The following BLMH variants were observed in gnomAD, a reference collection of about 807,000 sequenced individuals.
The protein encoded by BLMH is bleomycin hydrolase, also known as BLM hydrolase.
A neutral mutation model predicts 61.6 loss-of-function variants in BLMH; 32 were observed. That is an observed-to-expected ratio of 0.52 (90% CI 0.39 to 0.70). The LOEUF (loss-of-function observed/expected upper bound fraction) is 0.70. BLMH is among the 30% of genes least tolerant of loss of function. The probability of loss-of-function intolerance (pLI) is 0.00; values close to 1 mark genes in which losing one functional copy is unlikely to be tolerated. For missense variants in BLMH, 460 were observed against 555.5 expected, an observed-to-expected ratio of 0.83 and a Z score of 1.73; for synonymous variants, 183 against 193.8, an observed-to-expected ratio of 0.94 and a Z score of 0.46.
At chr17:30,288,057 G>A in intron 3 of BLMH, 110 bp from the exon 4 acceptor site, 1 of 1,139,812 alleles carries the variant, frequency 8.8e-7, no homozygotes, top group Non-Finnish European at 1.2e-6. Context: ...CAACATAATA[G>A]TTTTTTTTCT....
intron 11 of BLMH, among the ~76,000 whole-genome samples, chr17:30,255,493 A>G (rs1368923985): frequency 3.3e-5 from 5 of 152,216 alleles, no homozygotes; most frequent in African/African-American, 1.2e-4. Flanking sequence ...ATACATAATT[A>G]CTAACTTTCT....
At chr17:30,254,250 A>G (rs1907753642) in intron 11 of BLMH, among the ~76,000 whole-genome samples, 1 of 152,238 alleles carries the variant, frequency 6.6e-6, no homozygotes, top group African/African-American at 2.4e-5. Flanking sequence ...AAGTTATGAC[A>G]AAATGAAGGT....
At chr17:30,279,238 C>T (rs939793444) in intron 6 of BLMH, among the ~76,000 whole-genome samples, 1 of 152,222 alleles carries the variant, frequency 6.6e-6, no homozygotes, top group Admixed American at 6.5e-5. Context: ...TGAGAAAGGT[C>T]CCCTAAAATT....
intron 7 of BLMH, 177 bp downstream of exon 7, chr17:30,273,865 T>C (rs1419546988): frequency 2.7e-6 from 2 of 734,866 alleles, no homozygotes; most frequent in Non-Finnish European, 4.4e-6. Flanking sequence ...AGCTGATAAA[T>C]CCTGGCACCA....
chr17:30,276,334 T>C (rs1167550140), intron 6 of BLMH, among the ~76,000 whole-genome samples: 5 of 152,236 alleles, frequency 3.3e-5, no homozygotes, highest in Non-Finnish European at 2.9e-5. Context: ...CCTGAAGTCA[T>C]AGAGCCAGTA....
intron 3 of BLMH, chr17:30,288,161 G>A (rs1235041588): frequency 1.3e-5 from 6 of 451,154 alleles, no homozygotes; most frequent in Admixed American, 3.9e-5. Flanking sequence ...GGGGACTTAC[G>A]ATGCTGAAAC....
At chr17:30,266,228 T>G (rs922794042) in intron 11 of BLMH, among the ~76,000 whole-genome samples, 1 of 152,124 alleles carries the variant, frequency 6.6e-6, no homozygotes, top group Admixed American at 6.5e-5. Context: ...ACTGATGTAG[T>G]AGATGAAAAT....
intron 11 of BLMH, among the ~76,000 whole-genome samples, chr17:30,266,502 G>T (rs1260011083): frequency 6.9e-6 from 1 of 144,762 alleles, no homozygotes; most frequent in Non-Finnish European, 1.5e-5. Context: ...TCCAGCCTGG[G>T]CGACAGAGCA....
intron 1 of BLMH, 125 bp from the exon 2 acceptor site, chr17:30,291,633 T>G (rs752871043): frequency 3.1e-5 from 44 of 1,406,238 alleles, no homozygotes; most frequent in Admixed American, 6.4e-5. Flanking sequence ...GGGAAACCCA[T>G]AAGCGGCATC....
intron 9 of BLMH, chr17:30,272,146 T>C (rs1033118679): frequency 2.0e-5 from 4 of 202,892 alleles, no homozygotes; most frequent in Non-Finnish European, 4.0e-5. Context: ...TGCTATAAAG[T>C]ATGCATGCAA....
rs1348184280 is a variant in BLMH at position 30,289,385 on chromosome 17, A to G, written c.309T>C (p.Phe103=). The part of the protein sequence containing the change: ...EEFEFSQSYL[F]FWDKVERCYF... ...ATCTGTCCCATACCTTGTCCCAAAA[A>G]AACAGGTAAGATTGGCTAAACTCAA... The change falls in exon 3 of 12, where the codon TTT becomes TTC. Residue 103 remains phenylalanine (F), a synonymous_variant. Transcript: ENST00000261714. 1 of 1,604,340 alleles carries G rather than the reference A, an allele frequency of 6.2e-7. No individual in the cohort carries two copies. The highest frequency in any genetic ancestry group is 1.7e-5 in the Admixed American group (1 of 59,818).
chr17:30,281,770 T>C (rs1335214839), intron 6 of BLMH, among the ~76,000 whole-genome samples: 1 of 152,168 alleles, frequency 6.6e-6, no homozygotes, highest in Admixed American at 6.5e-5. Context: ...TGGGCACAAG[T>C]GATCTTCCAC....
intron 10 of BLMH, among the ~76,000 whole-genome samples, chr17:30,268,683 T>A (rs1908177381): frequency 6.6e-6 from 1 of 151,758 alleles, no homozygotes; most frequent in South Asian, 2.1e-4. Flanking sequence ...AAAAGCTGAA[T>A]TTTTCTTGGA....
In BLMH at chr17:30,291,339, G is replaced by C. The variant is rs766182958; in HGVS notation, c.183C>G (p.Gly61=). ...AGCTCTTCTGGTTGGTGATTGGCTT[G>C]CCCTCCTGGGGCACGGCGTGCTGGA... The part of the protein sequence containing the change: ...HVFQHAVPQE[G]KPITNQKSSG... Residue 61 remains glycine, a synonymous_variant, in exon 2 of 12, where the codon GGC becomes GGG. Coordinates refer to ENST00000261714, the MANE Select transcript of BLMH (RefSeq NM_000386.4). 2.1e-4 allele frequency: 337 copies of C among 1,612,230 alleles called. No individual in the cohort carries two copies. The highest frequency in any genetic ancestry group is 2.6e-4 in the Non-Finnish European group (310 of 1,179,942).
At chr17:30,253,460 C>A (rs117015408) in intron 11 of BLMH, among the ~76,000 whole-genome samples, 2 of 152,208 alleles carry the variant, frequency 1.3e-5, no homozygotes, top group Non-Finnish European at 2.9e-5. Context: ...CAAGTAATTG[C>A]GCCCTATGTA....
rs545031494 is a variant in BLMH, at chr17:30,280,063, G to A, written c.645+5325C>T. Reference sequence around the variant, plus strand: ...AGAGTCAGTTATAAATCTTAGAAGCGTGAGAACCTTCAACAGTTTTTAAGG... The same window carrying A: ...AGAGTCAGTTATAAATCTTAGAAGCATGAGAACCTTCAACAGTTTTTAAGG... On this transcript the variant is annotated intron_variant, in intron 6 of 11. Coordinates refer to ENST00000261714, the MANE Select transcript of BLMH (RefSeq NM_000386.4). Among the ~76,000 whole-genome samples, 59 of 152,276 alleles carry A rather than the reference G, an allele frequency of 3.9e-4. 1 individual carries two copies. Among genetic ancestry groups the A allele is most frequent in the Non-Finnish European group, 6.8e-4 (46 of 68,034 alleles).
intron 11 of BLMH, among the ~76,000 whole-genome samples, chr17:30,258,987 T>C (rs1055868879): frequency 6.6e-6 from 1 of 152,058 alleles, no homozygotes; most frequent in Non-Finnish European, 1.5e-5. Context: ...CCCTCTCCCT[T>C]TTCAGAAAAA....
At chr17:30,249,328 T>A in intron 11 of BLMH, 160 bp from the exon 12 acceptor site, 1 of 824,488 alleles carries the variant, frequency 1.2e-6, no homozygotes, top group Non-Finnish European at 1.8e-6. Flanking sequence ...AGCAATTCTG[T>A]GAAGCAGATA....
At position 30,286,839 on chromosome 17, in the gene BLMH, C is replaced by T. The variant is rs756562693; in HGVS notation, c.527G>A (p.Arg176Lys). The change falls in exon 5 of 12, where the codon AGG (arginine) becomes AAG (lysine). Residue 176 changes from arginine (R) to lysine (K), a missense_variant. By Grantham distance (26) the Arg-to-Lys change is conservative (BLOSUM62 2). Transcript: ENST00000261714. The part of the protein sequence containing the change: ...PESYTTEATR[R>K]MNDILNHKMR... ...CTTGTGATTCAGAATATCATTCATC[C>T]TTCTGGTTGCCTCTGTTGTATAAGA... is the stretch of plus-strand genomic sequence containing the variant. The T allele has an allele frequency of 3.1e-6, 5 of 1,595,146 alleles. No individual in the cohort carries two copies. The East Asian group carries it at 8.9e-5, about 29-fold the overall frequency.
Sources: gnomAD v4.1 joint callset for allele counts (sites outside exome capture counted in the v4.1 genomes callset) on GRCh38, gnomAD v4.1.1 for gene constraint, MANE v1.5 for transcripts, NCBI Gene and HGNC (gene_info 2026-07-23, HGNC 2026-07-21) for gene names.